The following PTPRK variants were observed in gnomAD, a reference collection of about 807,000 sequenced individuals.
PTPRK encodes protein tyrosine phosphatase receptor type K, also known as receptor-type tyrosine-protein phosphatase kappa.
A neutral mutation model predicts 178.0 loss-of-function variants in PTPRK; 75 were observed. The observed-to-expected ratio is 0.42, with a 90% CI of 0.35 to 0.51. The LOEUF is 0.51. PTPRK is among the 20% of genes least tolerant of loss of function. The pLI is 0.02. For synonymous variants in PTPRK, 637 were observed against 620.6 expected (o/e 1.03, Z -0.39); for missense variants, 1,441 against 1,797.8 (o/e 0.80, Z 3.59).
At chr6:128,180,777 G>T (rs183515647) in intron 7 of PTPRK, among the ~76,000 whole-genome samples, 1 of 152,068 alleles carries the variant, frequency 6.6e-6, no homozygotes, top group South Asian at 2.1e-4. Flanking sequence ...TTTTCTCAGA[G>T]AATAAGTTAG....
At chr6:128,146,889 T>C (rs1163383854) in intron 7 of PTPRK, among the ~76,000 whole-genome samples, 1 of 152,180 alleles carries the variant, frequency 6.6e-6, no homozygotes, top group Non-Finnish European at 1.5e-5. Flanking sequence ...ACTCAACAAT[T>C]TCACATCTTG....
chr6:128,067,203 ACTGAGGGTGGAGTCC>A (rs1781940601), intron 12 of PTPRK, among the ~76,000 whole-genome samples: 1 of 152,158 alleles, frequency 6.6e-6, no homozygotes, highest in Non-Finnish European at 1.5e-5. Flanking sequence ...CCTGATCGTT[ACTGAGGGTGGAGTCC>A]CAGCAGCAGC....
intron 1 of PTPRK, among the ~76,000 whole-genome samples, chr6:128,435,965 G>C (rs371805084): frequency 6.4e-5 from 9 of 141,168 alleles, no homozygotes; most frequent in South Asian, 4.7e-4. Flanking sequence ...AAATTATTCA[G>C]TCAACTGGCC....
In PTPRK at chr6:128,218,989, C is replaced by G. The variant is rs189581872; in HGVS notation, c.801G>C (p.Leu267Phe). ...GTTCTGACTGAGTTACACAGCGATA[C>G]AAATCCTGGTCAGTTTTTGTCACTT... ...LQEVTKTDQD[L>F]YRCVTQSERG... The change falls in exon 6 of 30, where the codon TTG becomes TTC. Residue 267 changes from leucine (L) to phenylalanine (F), a missense_variant. This residue lies in a region of PTPRK where 945 missense variants were observed against 1,080.6 expected (regional missense o/e 0.87). Coordinates refer to ENST00000368226, the MANE Select transcript of PTPRK (RefSeq NM_002844.4). 1 of 1,614,092 alleles carries G rather than the reference C, an allele frequency of 6.2e-7. No individual in the cohort carries two copies. Among genetic ancestry groups the G allele is most frequent in the Admixed American group, 1.7e-5 (1 of 60,020 alleles).
intron 13 of PTPRK, among the ~76,000 whole-genome samples, chr6:128,028,418 A>G (rs1774694820): frequency 6.6e-6 from 1 of 152,220 alleles, no homozygotes; most frequent in African/African-American, 2.4e-5. Flanking sequence ...AGATAAAGTG[A>G]ATCTTGAGTC....
intron 1 of PTPRK, among the ~76,000 whole-genome samples, chr6:128,419,609 C>T (rs1276636628): frequency 1.4e-5 from 2 of 144,310 alleles, no homozygotes; most frequent in Non-Finnish European, 3.0e-5. Context: ...GAGACTCCGT[C>T]TCAAAAAAAA....
At chr6:128,517,936 C>T (rs1346658134) in intron 1 of PTPRK, among the ~76,000 whole-genome samples, 1 of 152,182 alleles carries the variant, frequency 6.6e-6, no homozygotes, top group Non-Finnish European at 1.5e-5. Flanking sequence ...ATGGAATACA[C>T]CTCCAATCTT....
At chr6:128,515,558 T>C (rs1449153655) in intron 1 of PTPRK, among the ~76,000 whole-genome samples, 2 of 152,156 alleles carry the variant, frequency 1.3e-5, no homozygotes, top group African/African-American at 4.8e-5. Context: ...AATTTTTACA[T>C]TGACAGAACT....
chr6:128,465,841 TCCCACTAA>T (rs1849779656), intron 1 of PTPRK, among the ~76,000 whole-genome samples: 2 of 152,098 alleles, frequency 1.3e-5, no homozygotes, highest in South Asian at 4.1e-4. Context: ...GTGCCCAAGC[TCCCACTAA>T]CCCACCCCAG....
At chr6:128,266,837 T>A (rs1214632087) in intron 3 of PTPRK, among the ~76,000 whole-genome samples, 2 of 152,072 alleles carry the variant, frequency 1.3e-5, no homozygotes, top group Non-Finnish European at 2.9e-5. Context: ...GCGGGGCTTG[T>A]GCATGGAAGT....
intron 7 of PTPRK, among the ~76,000 whole-genome samples, chr6:128,153,441 T>A (rs972717105): frequency 6.6e-6 from 1 of 152,016 alleles, no homozygotes; most frequent in African/African-American, 2.4e-5. Context: ...ATGTGGATTT[T>A]CCTATTAATT....
intron 13 of PTPRK, chr6:128,061,935 C>T (rs889166662): frequency 6.6e-6 from 1 of 152,130 alleles, no homozygotes; most frequent in Non-Finnish European, 1.5e-5. Flanking sequence ...TTTAAATGTA[C>T]AGTTGGACAG....
intron 2 of PTPRK, among the ~76,000 whole-genome samples, chr6:128,368,096 T>G (rs1400800438): frequency 6.6e-6 from 1 of 152,110 alleles, no homozygotes; most frequent in Non-Finnish European, 1.5e-5. Context: ...GTCACTGGAT[T>G]TAAATCTACA....
At chr6:128,360,353 T>C (rs928821502) in intron 2 of PTPRK, among the ~76,000 whole-genome samples, 12 of 151,622 alleles carry the variant, frequency 7.9e-5, no homozygotes, top group African/African-American at 2.7e-4. Context: ...GATGAGACAC[T>C]AATGTTCTTA....
intron 2 of PTPRK, among the ~76,000 whole-genome samples, chr6:128,393,626 CAG>C (rs573152432): frequency 2.4e-4 from 36 of 152,118 alleles, no homozygotes; most frequent in African/African-American, 8.4e-4. Context: ...AATATTTCAG[CAG>C]AGGGAAAAGA....
rs769831145 is a variant in PTPRK, at chr6:128,009,277, A to T, written c.2195-9T>A. 2 of 1,590,334 alleles carry T rather than the reference A, an allele frequency of 1.3e-6. No homozygotes were observed. On this transcript the variant is annotated splice_polypyrimidine_tract_variant and intron_variant, in intron 13 of 29. Transcript: ENST00000368226. ...TTCTTCTGTTGCTGCTGCTAAATGG[A>T]TAAAAAAAAAAATCAGTTACTGAAA...
intron 7 of PTPRK, among the ~76,000 whole-genome samples, chr6:128,146,440 G>A (rs984934057): frequency 6.6e-6 from 1 of 151,362 alleles, no homozygotes; most frequent in African/African-American, 2.4e-5. Flanking sequence ...GTGTGTGTGT[G>A]TGTGTGTGTG....
chr6:128,301,058 C>T (rs1249781671), intron 3 of PTPRK, among the ~76,000 whole-genome samples: 1 of 151,864 alleles, frequency 6.6e-6, no homozygotes, highest in Non-Finnish European at 1.5e-5. Context: ...AGACTTGTTT[C>T]TTTGACCCAT....
intron 2 of PTPRK, among the ~76,000 whole-genome samples, chr6:128,366,382 T>C (rs1835487272): frequency 6.6e-6 from 1 of 152,158 alleles, no homozygotes; most frequent in Non-Finnish European, 1.5e-5. Context: ...ATCTCTTCTG[T>C]TGTTGTATGT....
Sources: gnomAD v4.1 joint callset for allele counts (sites outside exome capture counted in the v4.1 genomes callset) on GRCh38, gnomAD v4.1.1 for gene constraint, gnomAD v4.1.1 regional missense constraint, MANE v1.5 for transcripts, NCBI Gene and HGNC (gene_info 2026-07-23, HGNC 2026-07-21) for gene names.